CMIP: variants seen among roughly 807,000 people sequenced by gnomAD.
CMIP encodes C-Maf-inducing protein.
Under a neutral mutation model 97.3 loss-of-function variants are expected in CMIP, and 13 were observed. That is an observed-to-expected ratio of 0.13 (90% CI 0.09 to 0.21). The LOEUF (loss-of-function observed/expected upper bound fraction) is 0.21. Ranked by LOEUF, CMIP falls within the 10% of genes least tolerant of loss-of-function variation. CMIP has a pLI of 1.00. For synonymous variants in CMIP, 538 were observed against 436.3 expected (o/e 1.23, Z -2.91); for missense variants, 847 against 1,024.9 (o/e 0.83, Z 2.37).
intron 1 of CMIP, among the ~76,000 whole-genome samples, chr16:81,543,988 A>T (rs779210387): frequency 6.6e-6 from 1 of 152,246 alleles, no homozygotes; most frequent in Non-Finnish European, 1.5e-5. Flanking sequence ...GAGCTTTAGC[A>T]CATTTTTATT....
At chr16:81,573,586 A>G (rs1364157314) in intron 1 of CMIP, among the ~76,000 whole-genome samples, 1 of 152,090 alleles carries the variant, frequency 6.6e-6, no homozygotes, top group East Asian at 1.9e-4. Context: ...AAATAAGTAC[A>G]ATATATCTGT....
At chr16:81,465,759 C>A (rs1027175416) in intron 1 of CMIP, among the ~76,000 whole-genome samples, 5 of 152,198 alleles carry the variant, frequency 3.3e-5, no homozygotes, top group African/African-American at 1.2e-4. Context: ...TTGCTGTCAC[C>A]TGTGGGAAAG....
At chr16:81,523,877 C>T (rs906940009) in intron 1 of CMIP, among the ~76,000 whole-genome samples, 1 of 152,250 alleles carries the variant, frequency 6.6e-6, no homozygotes, top group South Asian at 2.1e-4. Context: ...TTGGCTCCCT[C>T]CAAACGTCAA....
At chr16:81,654,847 G>A (rs573424761) in intron 4 of CMIP, among the ~76,000 whole-genome samples, 330 of 152,216 alleles carry the variant, frequency 2.2e-3, no homozygotes, top group African/African-American at 5.1e-3. Flanking sequence ...ACCCGGGTTG[G>A]TAGAGACTTT....
intron 9 of CMIP, among the ~76,000 whole-genome samples, chr16:81,673,489 C>G (rs1353441820): frequency 6.6e-6 from 1 of 152,106 alleles, no homozygotes; most frequent in East Asian, 1.9e-4. Flanking sequence ...GCACTCCAGC[C>G]TGTGCAACAG....
At chr16:81,653,138 T>C (rs1202891994) in intron 4 of CMIP, among the ~76,000 whole-genome samples, 4 of 152,240 alleles carry the variant, frequency 2.6e-5, no homozygotes, top group Non-Finnish European at 5.9e-5. Flanking sequence ...TGCTCTCGTT[T>C]ATTTGCTCAC....
At chr16:81,501,124 C>T (rs543990954) in intron 1 of CMIP, among the ~76,000 whole-genome samples, 176 of 152,344 alleles carry the variant, frequency 1.2e-3, no homozygotes, top group Non-Finnish European at 2.1e-3. Context: ...AAACTTCAGG[C>T]CAGCGTCCTC....
chr16:81,542,016 G>A (rs1282279464), intron 1 of CMIP, among the ~76,000 whole-genome samples: 2 of 152,070 alleles, frequency 1.3e-5, no homozygotes, highest in Non-Finnish European at 2.9e-5. Context: ...ACCTTATTCT[G>A]TTCAGCTGCC....
chr16:81,476,334 A>G, intron 1 of CMIP: 1 of 1,440,224 alleles, frequency 6.9e-7, no homozygotes, highest in Admixed American at 1.7e-5. Flanking sequence ...CACCACCCTG[A>G]TACATAAACC....
At chr16:81,474,008 C>T (rs2925998) in intron 1 of CMIP, among the ~76,000 whole-genome samples, 17,225 of 151,984 alleles carry the variant, frequency 0.11, 2,838 homozygotes, top group African/African-American at 0.36. Flanking sequence ...CAGACAGTTC[C>T]GAGGTGGTGC....
intron 1 of CMIP, among the ~76,000 whole-genome samples, chr16:81,551,352 T>C (rs577165080): frequency 7.9e-4 from 120 of 152,380 alleles, no homozygotes; most frequent in African/African-American, 2.7e-3. Flanking sequence ...GTTTTCTGAT[T>C]AGTCACTTCT....
At chr16:81,671,852 C>T (rs2092685930) in intron 8 of CMIP, 114 bp from the exon 9 acceptor site, 8 of 579,566 alleles carry the variant, frequency 1.4e-5, no homozygotes, top group Middle Eastern at 4.6e-4. Context: ...CCCCAAGTGG[C>T]GCTGGCAGAG....
chr16:81,660,534 C>T (rs1368040933), intron 5 of CMIP, among the ~76,000 whole-genome samples: 11 of 152,188 alleles, frequency 7.2e-5, no homozygotes, highest in Admixed American at 3.3e-4. Context: ...CTTGGCCTCC[C>T]AAAGTGCTGG....
At chr16:81,703,848 G>T (rs912531651) in intron 17 of CMIP, 91 bp from the exon 18 acceptor site, 2 of 1,475,960 alleles carry the variant, frequency 1.4e-6, no homozygotes, top group South Asian at 1.3e-5. Context: ...TCTGTAGGGC[G>T]AGGGGAGAGG....
chr16:81,696,616 C>T lies in CMIP; in HGVS notation c.1587C>T (p.Tyr529=), dbSNP rs1271153784. Reference sequence around the variant, plus strand: ...GCAAAGATGGCTGGTTCCAGCTCTACAGCCCCGGAGGGGTGGCCTGCGACG... The same window carrying T: ...GCAAAGATGGCTGGTTCCAGCTCTATAGCCCCGGAGGGGTGGCCTGCGACG... ...RAGKDGWFQL[Y]SPGGVACDDD... is the part of the protein sequence containing the mutation. Residue 529 remains tyrosine, a synonymous_variant, in exon 14 of 21, where the codon TAC becomes TAT. Coordinates refer to ENST00000537098, the MANE Select transcript of CMIP (RefSeq NM_198390.3). The T allele has an allele frequency of 1.2e-6, 2 of 1,607,224 alleles. No homozygotes were observed. The highest frequency in any genetic ancestry group is 8.5e-7 in the Non-Finnish European group (1 of 1,179,860).
chr16:81,693,766 C>T (rs935836993), intron 13 of CMIP, among the ~76,000 whole-genome samples: 1 of 152,218 alleles, frequency 6.6e-6, no homozygotes, highest in Non-Finnish European at 1.5e-5. Flanking sequence ...GGCATGGCAG[C>T]TCTCAACCAG....
chr16:81,510,743 A>G (rs1298839934), intron 1 of CMIP, among the ~76,000 whole-genome samples: 1 of 152,070 alleles, frequency 6.6e-6, no homozygotes, highest in Non-Finnish European at 1.5e-5. Flanking sequence ...TTGGTGAGAT[A>G]GAGTCTTGTT....
At chr16:81,561,876 C>T (rs2090890716) in intron 1 of CMIP, among the ~76,000 whole-genome samples, 1 of 152,300 alleles carries the variant, frequency 6.6e-6, no homozygotes, top group South Asian at 2.1e-4. Context: ...AACATTTCCA[C>T]CATCCCAGAC....
chr16:81,682,286 C>T (rs1193213892), intron 10 of CMIP, among the ~76,000 whole-genome samples: 1 of 151,976 alleles, frequency 6.6e-6, no homozygotes, highest in Non-Finnish European at 1.5e-5. Flanking sequence ...AAGAAGCAGC[C>T]AGGCTCGGTG....
Sources: gnomAD v4.1 joint callset for allele counts (sites outside exome capture counted in the v4.1 genomes callset) on GRCh38, gnomAD v4.1.1 for gene constraint, MANE v1.5 for transcripts, NCBI Gene and HGNC (gene_info 2026-07-23, HGNC 2026-07-21) for gene names.